The following RECQL5 variants were observed in gnomAD, a reference collection of about 807,000 sequenced individuals.
RECQL5 encodes RecQ like helicase 5.
A neutral mutation model predicts 103.4 loss-of-function variants in RECQL5; 88 were observed. The observed-to-expected ratio is 0.85, with a 90% CI of 0.72 to 1.02. The LOEUF (loss-of-function observed/expected upper bound fraction) is 1.02. RECQL5 is among the 50% of genes least tolerant of loss of function. The pLI, the probability that RECQL5 is intolerant of heterozygous loss-of-function variation, is 0.00. For missense variants in RECQL5, 1,232 were observed against 1,284.3 expected (o/e 0.96, Z 0.62); for synonymous variants, 552 against 507.9 (o/e 1.09, Z -1.17).
At chr17:75,647,946 A>C (rs2059508918) in intron 8 of RECQL5, 1 of 187,206 alleles carries the variant, frequency 5.3e-6, no homozygotes, top group Non-Finnish European at 1.2e-5. Flanking sequence ...ACACAACCAA[A>C]TGAAATAAAA....
rs1359253894 is a variant in RECQL5 at position 75,640,314 on chromosome 17, T to C, written c.1230-8646A>G. The C allele has an allele frequency of 6.5e-7, 1 of 1,549,006 alleles. No homozygotes were observed. Among genetic ancestry groups the C allele is most frequent in the Admixed American group, 2.0e-5 (1 of 50,522 alleles). On this transcript the variant is annotated intron_variant, in intron 8 of 19. Coordinates refer to ENST00000317905, the MANE Select transcript of RECQL5 (RefSeq NM_004259.7). This position sits in a 1 kb window ranked among gnomAD's most constrained non-coding sequence, Gnocchi z 4.6. ...GTGGAGATCGTGGCCTTCTCAGTCA[T>C]CATCCTTTTCACAGGTTAGTTGGGG... is the stretch of plus-strand genomic sequence containing the variant.
In RECQL5 at chr17:75,661,726, G is replaced by A. The variant is rs756344725; in HGVS notation, c.772-18C>T. The A allele has an allele frequency of 5.0e-6, 8 of 1,586,860 alleles. No individual in the cohort carries two copies. The highest frequency in any genetic ancestry group is 2.2e-5 in the South Asian group (2 of 90,514). On this transcript the variant is annotated intron_variant, in intron 4 of 19. Transcript: ENST00000317905. Reference sequence around the variant, plus strand: ...CCAGATAACTGAATGGGGAGATGCAGGAAGAAAATAAGCATAGCAAGAACA... The same window carrying A: ...CCAGATAACTGAATGGGGAGATGCAAGAAGAAAATAAGCATAGCAAGAACA...
chr17:75,641,019 C>T (rs1346293108), intron 8 of RECQL5: 32 of 1,458,962 alleles, frequency 2.2e-5, no homozygotes, highest in Non-Finnish European at 2.7e-5. Flanking sequence ...CAGCTCTGGC[C>T]CAGCCCAGGT....
At chr17:75,665,416 G>C (rs762748196) in intron 2 of RECQL5, among the ~76,000 whole-genome samples, 2 of 152,166 alleles carry the variant, frequency 1.3e-5, no homozygotes, top group Non-Finnish European at 2.9e-5. Context: ...TCTGGGTCAA[G>C]CGCAGTGGCT....
intron 7 of RECQL5, among the ~76,000 whole-genome samples, chr17:75,656,906 G>A (rs1449236827): frequency 4.6e-5 from 7 of 151,894 alleles, no homozygotes; most frequent in South Asian, 4.1e-4. Flanking sequence ...CACCACGCCC[G>A]GCTAATTTTT....
Position 75,630,844 on chromosome 17 carries a change from G to GC in RECQL5, c.1586-8_1586-7insG, listed in dbSNP as rs752469432. 1.7e-3 allele frequency: 1,905 copies of GC among 1,140,054 alleles called. 61 individuals are homozygous for GC. In the African/African-American group the frequency reaches 0.026, roughly 15 times the overall value. The allele number at this position is 1,140,054 out of a possible 1,614,324, so 70.6% of individuals were successfully genotyped here. The stretch of plus-strand genomic sequence containing the variant: ...TTCAGGGGACAGTTCTCATCTGTGG[G>GC]GGGGGGGGGTGGTCCTTGGTCCTTT... On this transcript the variant is annotated splice_region_variant and splice_polypyrimidine_tract_variant and intron_variant, in intron 11 of 19. Coordinates refer to ENST00000317905, the MANE Select transcript of RECQL5 (RefSeq NM_004259.7).
intron 12 of RECQL5, 30 bp downstream of exon 12, chr17:75,630,749 C>G (rs820195): frequency 1 from 1,595,361 of 1,598,470 alleles, 796,186 homozygotes; most frequent in Non-Finnish European, 1. Context: ...AGGGCCCCGG[C>G]GGGTGGCTGA....
intron 8 of RECQL5, chr17:75,646,105 T>G (rs2059485779): frequency 6.6e-6 from 1 of 152,252 alleles, no homozygotes; most frequent in South Asian, 2.1e-4. Flanking sequence ...ATTGTGCCAG[T>G]GGGCAGAAAC....
At chr17:75,630,405 G>A in intron 13 of RECQL5, 128 bp from the exon 14 acceptor site, 1 of 932,666 alleles carries the variant, frequency 1.1e-6, no homozygotes, top group East Asian at 2.7e-5. Flanking sequence ...GGCTCTCTGA[G>A]CACCCTGTGG....
intron 7 of RECQL5, among the ~76,000 whole-genome samples, chr17:75,652,786 C>T (rs573246132): frequency 1.7e-4 from 26 of 152,164 alleles, no homozygotes; most frequent in Non-Finnish European, 3.7e-4. Flanking sequence ...GGTTTCTGTC[C>T]CCCACCCCAC....
chr17:75,629,172 G>C lies in RECQL5; in HGVS notation c.2251C>G (p.Gln751Glu). 6.2e-7 allele frequency: 1 copy of C among 1,613,726 alleles called. No homozygotes were observed. The highest frequency in any genetic ancestry group is 8.5e-7 in the Non-Finnish European group (1 of 1,179,986). ...TTGTGGGCCGCTGTGGCTAGGAGCT[G>C]CTGTTTCTTGCTAGCCCGGCCCTTG... ...LAKGRASKKQ[Q>E]LLATAAHKDS... The change falls in exon 16 of 20, where the codon CAG becomes GAG. Residue 751 changes from glutamine (Q) to glutamate (E), a missense_variant. By Grantham distance (29) the Gln-to-Glu change is conservative. Transcript: ENST00000317905.
In RECQL5 at chr17:75,636,202, G is replaced by A. The variant is rs1355737954; in HGVS notation, c.1230-4534C>T. 6.6e-6 allele frequency among the ~76,000 whole-genome samples: 1 copy of A among 152,184 alleles called. No individual in the cohort carries two copies. Among genetic ancestry groups the A allele is most frequent in the Non-Finnish European group, 1.5e-5 (1 of 68,028 alleles). The stretch of plus-strand genomic sequence containing the variant: ...CTGGCAGCCACTCAGGAACCCCTGA[G>A]GACCCTGAGAAGCCTCCAACCAAGG... On this transcript the variant is annotated intron_variant, in intron 8 of 19. Transcript: ENST00000317905. The surrounding 1 kb of genome is among the most constrained non-coding windows in gnomAD (Gnocchi z 5.4).
chr17:75,650,455 T>C, intron 8 of RECQL5: 1 of 1,346,170 alleles, frequency 7.4e-7, no homozygotes, highest in Non-Finnish European at 9.6e-7. Context: ...GACGGGTGTT[T>C]AGTGGCCTCA....
intron 13 of RECQL5, 76 bp downstream of exon 13, chr17:75,630,543 G>A: frequency 3.3e-6 from 5 of 1,503,428 alleles, no homozygotes; most frequent in Non-Finnish European, 4.6e-6. Context: ...AAACAGGCCA[G>A]GGTTGACAGG....
chr17:75,648,859 T>G (rs940361369), intron 8 of RECQL5: 1 of 151,678 alleles, frequency 6.6e-6, no homozygotes, highest in African/African-American at 2.4e-5. Flanking sequence ...TTGGTTTTTT[T>G]TTTTTGTATT....
Position 75,628,451 on chromosome 17 carries a change from G to A in RECQL5, c.2581-9C>T, listed in dbSNP as rs571936952. The stretch of plus-strand genomic sequence containing the variant: ...TGGCTCTCTGGGTTCTCCTGAGAAG[G>A]GCCACAGCAGAGGGTCACTCCTGAG... On this transcript the variant is annotated splice_polypyrimidine_tract_variant and intron_variant, in intron 17 of 19. Transcript: ENST00000317905. The A allele has an allele frequency of 1.9e-6, 3 of 1,612,116 alleles. No homozygotes were observed. The highest frequency in any genetic ancestry group is 1.3e-5 in the African/African-American group (1 of 75,006).
At chr17:75,657,955 G>A (rs1311379997) in intron 7 of RECQL5, among the ~76,000 whole-genome samples, 1 of 152,066 alleles carries the variant, frequency 6.6e-6, no homozygotes, top group African/African-American at 2.4e-5. Flanking sequence ...GGCTGAGGCA[G>A]AAGAATCGCT....
At chr17:75,649,687 C>T (rs1362833199) in intron 8 of RECQL5, 2 of 985,376 alleles carry the variant, frequency 2.0e-6, no homozygotes, top group Non-Finnish European at 2.4e-6. Flanking sequence ...GAAACATTCA[C>T]TTATTCAAAG....
intron 6 of RECQL5, among the ~76,000 whole-genome samples, chr17:75,658,956 A>G (rs1332714122): frequency 6.6e-6 from 1 of 152,240 alleles, no homozygotes; most frequent in Non-Finnish European, 1.5e-5. Flanking sequence ...GTTACACAGT[A>G]AAGGGTCAGC....
Sources: allele counts gnomAD v4.1 joint callset (sites outside exome capture counted in the v4.1 genomes callset), GRCh38; gene constraint gnomAD v4.1.1; non-coding constraint Gnocchi (gnomAD v3.1); transcripts MANE v1.5; gene names NCBI Gene and HGNC (gene_info 2026-07-23, HGNC 2026-07-21).